The following CATSPERT variants were observed in gnomAD, a reference collection of about 807,000 sequenced individuals.
The protein encoded by CATSPERT is cation channel sperm-associated targeting subunit tau.
the CATSPERT span, among the ~76,000 whole-genome samples, chr2:201,608,203 A>G: frequency 6.6e-6 from 1 of 152,132 alleles, no homozygotes; most frequent in African/African-American, 2.4e-5. Flanking sequence ...GATGGAATGC[A>G]GTGGTACAAT....
chr2:201,509,516 G>A, the CATSPERT span, among the ~76,000 whole-genome samples: 1 of 150,702 alleles, frequency 6.6e-6, no homozygotes, highest in Admixed American at 6.6e-5. Flanking sequence ...AGTTTTAAAT[G>A]CTCTGAAACT....
the CATSPERT span, among the ~76,000 whole-genome samples, chr2:201,587,385 CT>C: frequency 6.6e-6 from 1 of 152,162 alleles, no homozygotes; most frequent in Non-Finnish European, 1.5e-5. Flanking sequence ...CAATGCAGGT[CT>C]TCTAGATACA....
chr2:201,499,479 C>T, the CATSPERT span, among the ~76,000 whole-genome samples: 2 of 152,006 alleles, frequency 1.3e-5, no homozygotes, highest in Admixed American at 1.3e-4. Flanking sequence ...GGTTTTTATT[C>T]CTCTCCTTCT....
chr2:201,564,886 T>C, the CATSPERT span, among the ~76,000 whole-genome samples: 64,512 of 151,924 alleles, frequency 0.42, 14,329 homozygotes, highest in East Asian at 0.75. Flanking sequence ...ATAATAAATA[T>C]GTTCAAAGAA....
At chr2:201,591,611 C>A in the CATSPERT span, among the ~76,000 whole-genome samples, 842 of 152,210 alleles carry the variant, frequency 5.5e-3, 25 homozygotes, top group East Asian at 0.058. Context: ...TTCTTCCTAC[C>A]CATGAGCATG....
At chr2:201,551,090 T>C in the CATSPERT span, 1 of 152,240 alleles carries the variant, frequency 6.6e-6, no homozygotes, top group Non-Finnish European at 1.5e-5. Context: ...CGTCCACCTA[T>C]ATGTGGATTT....
At chr2:201,576,735 T>C in the CATSPERT span, among the ~76,000 whole-genome samples, 3 of 152,238 alleles carry the variant, frequency 2.0e-5, no homozygotes, top group African/African-American at 7.2e-5. Flanking sequence ...ATGTAGCTTG[T>C]GGCTTTTGTG....
the CATSPERT span, chr2:201,618,954 C>T: frequency 2.2e-5 from 36 of 1,613,918 alleles, no homozygotes; most frequent in South Asian, 2.3e-4. Flanking sequence ...GCAGGGCCGT[C>T]GTGCCCTGGT....
At chr2:201,543,069 T>C in the CATSPERT span, among the ~76,000 whole-genome samples, 1 of 152,218 alleles carries the variant, frequency 6.6e-6, no homozygotes, top group African/African-American at 2.4e-5. Context: ...CTTTTGCATG[T>C]GAATATCCAG....
the CATSPERT span, among the ~76,000 whole-genome samples, chr2:201,597,099 G>A: frequency 6.6e-6 from 1 of 152,156 alleles, no homozygotes; most frequent in Non-Finnish European, 1.5e-5. Context: ...GGCAATTCCT[G>A]GCAGATTATG....
chr2:201,540,091 CCTAA>C, the CATSPERT span, among the ~76,000 whole-genome samples: 3 of 152,106 alleles, frequency 2.0e-5, no homozygotes, highest in East Asian at 5.8e-4. Context: ...AGAGAAAGCC[CCTAA>C]CTCTCTTCAA....
chr2:201,607,071 A>C, the CATSPERT span, among the ~76,000 whole-genome samples: 1 of 152,152 alleles, frequency 6.6e-6, no homozygotes, highest in Non-Finnish European at 1.5e-5. Context: ...TAATTAATAA[A>C]ATGATGAGAA....
the CATSPERT span, among the ~76,000 whole-genome samples, chr2:201,608,309 A>G: frequency 1.1e-3 from 164 of 152,244 alleles, no homozygotes; most frequent in South Asian, 4.1e-3. Context: ...CATCATACCC[A>G]GCCTCAGGCA....
the CATSPERT span, chr2:201,493,168 TC>T: frequency 6.5e-7 from 1 of 1,527,236 alleles, no homozygotes; most frequent in African/African-American, 1.4e-5. Context: ...ACTAAGTTTA[TC>T]CATTAATGAG....
chr2:201,550,047 G>A, the CATSPERT span: 3 of 152,072 alleles, frequency 2.0e-5, no homozygotes, highest in East Asian at 1.9e-4. Context: ...TTGATAATTC[G>A]AGTAGTCCTA....
chr2:201,613,473 AC>A, the CATSPERT span, among the ~76,000 whole-genome samples: 1 of 152,224 alleles, frequency 6.6e-6, no homozygotes. Flanking sequence ...ACTCCAACAG[AC>A]CTGCAGCTGA....
chr2:201,564,409 G>T, the CATSPERT span, among the ~76,000 whole-genome samples: 13 of 149,276 alleles, frequency 8.7e-5, no homozygotes, highest in African/African-American at 3.0e-4. Context: ...ATGTGAGAAT[G>T]TAAGAACTGA....
chr2:201,517,068 G>A, the CATSPERT span, among the ~76,000 whole-genome samples: 1 of 151,916 alleles, frequency 6.6e-6, no homozygotes, highest in Non-Finnish European at 1.5e-5. Context: ...CTACCTGGGA[G>A]CCTTTGGTGC....
At chr2:201,559,142 C>T in the CATSPERT span, among the ~76,000 whole-genome samples, 4 of 152,210 alleles carry the variant, frequency 2.6e-5, no homozygotes, top group Admixed American at 6.5e-5. Flanking sequence ...GAAACAGCCC[C>T]GTAGCACCCC....
Sources: allele counts gnomAD v4.1 joint callset (sites outside exome capture counted in the v4.1 genomes callset), GRCh38; gene constraint gnomAD v4.1.1; transcripts MANE v1.5; gene names NCBI Gene and HGNC (gene_info 2026-07-23, HGNC 2026-07-21).